Variants in TENT2 observed in about 807,000 individuals in gnomAD.
TENT2 encodes the protein poly(A) RNA polymerase GLD2.
In TENT2, 44 loss-of-function variants were observed where a neutral mutation model predicts 72.2. That is an observed-to-expected ratio of 0.61 (90% CI 0.48 to 0.78). The LOEUF (loss-of-function observed/expected upper bound fraction) is 0.78. TENT2 is among the 30% of genes least tolerant of loss of function. TENT2 has a pLI of 0.00. For synonymous variants in TENT2, 212 were observed against 192.5 expected (o/e 1.10, Z -0.84); for missense variants, 541 against 569.6 (o/e 0.95, Z 0.51).
chr5:79,613,363 G>A (rs1226152922), intron 1 of TENT2, among the ~76,000 whole-genome samples: 1 of 152,206 alleles, frequency 6.6e-6, no homozygotes, highest in Non-Finnish European at 1.5e-5. Context: ...GGTGAACAGA[G>A]AAGAAACAAA....
chr5:79,618,353 T>G (rs1762094757), intron 1 of TENT2, among the ~76,000 whole-genome samples: 1 of 151,974 alleles, frequency 6.6e-6, no homozygotes, highest in African/African-American at 2.4e-5. Context: ...CAGCCTCCTG[T>G]GTAGCTGGGA....
At chr5:79,680,862 A>G (rs1821144650) in intron 13 of TENT2, among the ~76,000 whole-genome samples, 1 of 152,018 alleles carries the variant, frequency 6.6e-6, no homozygotes, top group South Asian at 2.1e-4. Flanking sequence ...TATTTAAGAC[A>G]TTTCATCTCA....
chr5:79,656,253 G>A (rs1168267080), intron 10 of TENT2, among the ~76,000 whole-genome samples: 1 of 145,154 alleles, frequency 6.9e-6, no homozygotes, highest in Non-Finnish European at 1.5e-5. Context: ...TAATGAGATT[G>A]GATTTGTTTA....
At chr5:79,627,637 C>G (rs1469041283) in intron 4 of TENT2, among the ~76,000 whole-genome samples, 1 of 152,138 alleles carries the variant, frequency 6.6e-6, no homozygotes, top group Admixed American at 6.5e-5. Context: ...AGGCATGTGC[C>G]ACCATGCCCT....
intron 14 of TENT2, among the ~76,000 whole-genome samples, chr5:79,682,497 C>T (rs941181424): frequency 3.4e-5 from 5 of 147,982 alleles, no homozygotes; most frequent in African/African-American, 1.3e-4. Context: ...GTTGGTCAGG[C>T]TGGTCTCAAA....
In TENT2 at chr5:79,642,803, GAAAA is replaced by G. The variant is rs1368695226; in HGVS notation, c.673-26_673-23del. 7 of 1,553,446 alleles carry G rather than the reference GAAAA, an allele frequency of 4.5e-6. No homozygotes were observed. In the Admixed American group the frequency reaches 5.3e-5, roughly 12 times the overall value. On this transcript the variant is annotated intron_variant, in intron 6 of 14. Coordinates refer to ENST00000453514, the MANE Select transcript of TENT2 (RefSeq NM_001114394.3). ...GAAACATTAAACTTAGAAAGATAAT[GAAAA>G]AACACTTTATTTTTAACTTTTCAGT...
chr5:79,631,994 A>G lies in TENT2; in HGVS notation c.465+8505A>G, dbSNP rs971758134. 2.6e-5 allele frequency among the ~76,000 whole-genome samples: 4 copies of G among 152,188 alleles called. No homozygotes were observed. The South Asian group carries it at 6.2e-4, about 24-fold the overall frequency. On this transcript the variant is annotated intron_variant, in intron 4 of 14. Transcript: ENST00000453514. Reference sequence around the variant, plus strand: ...CTTCCCGTTTTCTCTCTCAATTACTATGCAAGATAATCTGTTGAGACTGGA... The same window carrying G: ...CTTCCCGTTTTCTCTCTCAATTACTGTGCAAGATAATCTGTTGAGACTGGA...
At chr5:79,637,820 C>A (rs1386383636) in intron 4 of TENT2, among the ~76,000 whole-genome samples, 10 of 129,320 alleles carry the variant, frequency 7.7e-5, no homozygotes, top group Non-Finnish European at 1.4e-4. Context: ...TTTTTTGTGA[C>A]GGAGTCGCAT....
chr5:79,644,630 TA>T (rs1450938054), intron 7 of TENT2: 1 of 152,326 alleles, frequency 6.6e-6, no homozygotes, highest in Non-Finnish European at 1.5e-5. Flanking sequence ...TGGTGTTCAC[TA>T]AGCTGATCTG....
chr5:79,638,776 T>G (rs1782196559), intron 4 of TENT2, among the ~76,000 whole-genome samples: 1 of 152,192 alleles, frequency 6.6e-6, no homozygotes, highest in South Asian at 2.1e-4. Flanking sequence ...CAATTGTGTT[T>G]TATTTTGTGG....
intron 11 of TENT2, among the ~76,000 whole-genome samples, chr5:79,659,093 C>T (rs910067971): frequency 6.6e-6 from 1 of 151,980 alleles, no homozygotes; most frequent in African/African-American, 2.4e-5. Flanking sequence ...TTTACCTTTA[C>T]TATAAGATTT....
chr5:79,672,114 C>A (rs1013709427), intron 12 of TENT2, among the ~76,000 whole-genome samples: 9 of 146,256 alleles, frequency 6.2e-5, no homozygotes, highest in Admixed American at 1.4e-4. Flanking sequence ...AAAAAAAAAA[C>A]AAAAAACTAT....
At chr5:79,652,462 T>G (rs1794918688) in intron 10 of TENT2, among the ~76,000 whole-genome samples, 1 of 152,100 alleles carries the variant, frequency 6.6e-6, no homozygotes, top group Non-Finnish European at 1.5e-5. Context: ...GTGGACAGTT[T>G]AGCAAAGTTC....
In TENT2 at chr5:79,621,094, A is replaced by G. The variant is rs186619753; in HGVS notation, c.227+1011A>G. ...CTATTAAAAAAAACACTATCAGTGA[A>G]CAAGGTGCTGTAAAAAAAAAAAATA... On this transcript the variant is annotated intron_variant, in intron 3 of 14. Transcript: ENST00000453514. 4.6e-3 allele frequency among the ~76,000 whole-genome samples: 652 copies of G among 142,570 alleles called. 3 individuals carry two copies. The highest frequency in any genetic ancestry group is 0.018 in the African/African-American group (619 of 35,084). 93.5% of individuals were successfully genotyped at this position (142,570 alleles called of 152,430 possible).
At chr5:79,671,198 G>C (rs1417203394) in intron 12 of TENT2, among the ~76,000 whole-genome samples, 1 of 151,960 alleles carries the variant, frequency 6.6e-6, no homozygotes, top group Non-Finnish European at 1.5e-5. Flanking sequence ...ACTGATGCTT[G>C]GAAAGAGGTT....
intron 12 of TENT2, among the ~76,000 whole-genome samples, chr5:79,676,272 T>C (rs1346875361): frequency 6.6e-6 from 1 of 152,018 alleles, no homozygotes; most frequent in Admixed American, 6.6e-5. Flanking sequence ...ATTTCCAGTT[T>C]AATCAGTTGC....
chr5:79,617,454 T>G (rs1761172453), intron 1 of TENT2: 1 of 152,162 alleles, frequency 6.6e-6, no homozygotes, highest in African/African-American at 2.4e-5. Context: ...CTAAAATTAT[T>G]TCTACTCTGT....
intron 3 of TENT2, among the ~76,000 whole-genome samples, chr5:79,621,442 A>G (rs1216567926): frequency 6.6e-6 from 1 of 152,162 alleles, no homozygotes; most frequent in Non-Finnish European, 1.5e-5. Flanking sequence ...CTTTATAGCC[A>G]ATTTGTGAAT....
At chr5:79,640,073 A>G (rs1783196225) in intron 4 of TENT2, among the ~76,000 whole-genome samples, 1 of 152,092 alleles carries the variant, frequency 6.6e-6, no homozygotes. Flanking sequence ...CCTGGGCAGC[A>G]TGGCAAAACC....
Sources: allele counts gnomAD v4.1 joint callset (sites outside exome capture counted in the v4.1 genomes callset), GRCh38; gene constraint gnomAD v4.1.1; transcripts MANE v1.5; gene names NCBI Gene and HGNC (gene_info 2026-07-23, HGNC 2026-07-21).